Variants in TIMP2 observed in about 807,000 individuals in gnomAD.
The protein encoded by TIMP2 is TIMP metallopeptidase inhibitor 2.
Under a neutral mutation model 24.3 loss-of-function variants are expected in TIMP2, and 5 were observed. The ratio of observed to expected loss-of-function variants is 0.21; its 90% CI spans 0.11 to 0.43. The LOEUF is 0.43. TIMP2 is among the 20% of genes least tolerant of loss of function. The pLI, the probability that TIMP2 is intolerant of heterozygous loss-of-function variation, is 1.00. For synonymous variants in TIMP2, 130 were observed against 123.2 expected, an observed-to-expected ratio of 1.06 and a Z score of -0.37; for missense variants, 221 against 297.5, an observed-to-expected ratio of 0.74 and a Z score of 1.89.
chr17:78,875,027 T>C (rs1208599424), intron 1 of TIMP2, among the ~76,000 whole-genome samples: 2 of 152,190 alleles, frequency 1.3e-5, no homozygotes, highest in East Asian at 1.9e-4. Context: ...AGGCATGAGC[T>C]ACAGTGCCCA....
intron 2 of TIMP2, among the ~76,000 whole-genome samples, chr17:78,873,322 A>C (rs1188523749): frequency 5.2e-5 from 3 of 57,170 alleles, no homozygotes; most frequent in Middle Eastern, 9.3e-3. Flanking sequence ...TTTTTTTTTT[A>C]ATACAAGCTC....
chr17:78,864,466 C>G (rs954707939), intron 3 of TIMP2, among the ~76,000 whole-genome samples: 15 of 147,212 alleles, frequency 1.0e-4, no homozygotes, highest in Non-Finnish European at 1.5e-4. Flanking sequence ...TGATCTTGAA[C>G]TCCTAACCTG....
Position 78,920,363 on chromosome 17 carries a change from G to C in TIMP2, c.130+4596C>G, listed in dbSNP as rs75936920. The stretch of plus-strand genomic sequence containing the variant: ...GTACGTGGCTCTGCACCCCCAGAAG[G>C]GTGCAAATAGGGGAGGCCCGAGAGG... On this transcript the variant is annotated intron_variant, in intron 1 of 4. Transcript: ENST00000262768. The surrounding 1 kb of genome is among the most constrained non-coding windows in gnomAD (Gnocchi z 4.5). Among the ~76,000 whole-genome samples the C allele has an allele frequency of 1.5e-3, 236 of 152,284 alleles. No homozygotes were observed. The highest frequency in any genetic ancestry group is 5.3e-3 in the African/African-American group (220 of 41,552).
Position 78,907,871 on chromosome 17 carries a change from C to T in TIMP2, c.130+17088G>A, listed in dbSNP as rs554476234. ...CGTTCTGGCCAGGTGTGGTGGCTCACGTCTGTAGTCCCGGCACTCTGGGAG... is the reference window on the plus strand; with the variant it reads ...CGTTCTGGCCAGGTGTGGTGGCTCATGTCTGTAGTCCCGGCACTCTGGGAG... On this transcript the variant is annotated intron_variant, in intron 1 of 4. Coordinates refer to ENST00000262768, the MANE Select transcript of TIMP2 (RefSeq NM_003255.5). 6.4e-4 allele frequency among the ~76,000 whole-genome samples: 98 copies of T among 152,270 alleles called. 1 individual carries two copies. In the South Asian group the frequency reaches 0.013, roughly 20 times the overall value.
intron 1 of TIMP2, chr17:78,890,452 G>C: frequency 1.6e-6 from 1 of 617,296 alleles, no homozygotes; most frequent in South Asian, 2.4e-5. Flanking sequence ...TCCTGAGGCC[G>C]ACCTCGGCCT....
At chr17:78,885,070 C>T (rs914655214) in intron 1 of TIMP2, among the ~76,000 whole-genome samples, 1 of 152,196 alleles carries the variant, frequency 6.6e-6, no homozygotes, top group Non-Finnish European at 1.5e-5. Flanking sequence ...CAGCTGACCT[C>T]GGCAGAAAGC....
At chr17:78,872,308 T>C (rs561897206) in intron 2 of TIMP2, among the ~76,000 whole-genome samples, 2 of 152,086 alleles carry the variant, frequency 1.3e-5, no homozygotes, top group Non-Finnish European at 2.9e-5. Flanking sequence ...CCAGGAATTT[T>C]GGTCAAATAT....
chr17:78,865,811 CAG>C (rs1407076884), intron 3 of TIMP2, among the ~76,000 whole-genome samples: 1 of 152,018 alleles, frequency 6.6e-6, no homozygotes, highest in Admixed American at 6.6e-5. Context: ...CAAAAACAAA[CAG>C]AGAGCTTCAG....
At chr17:78,859,008 C>A (rs2145745197) in intron 3 of TIMP2, among the ~76,000 whole-genome samples, 1 of 152,286 alleles carries the variant, frequency 6.6e-6, no homozygotes, top group East Asian at 1.9e-4. Flanking sequence ...CATCTTCACA[C>A]ATAAAACGTC....
At chr17:78,861,947 G>A (rs755729972) in intron 3 of TIMP2, among the ~76,000 whole-genome samples, 45 of 152,262 alleles carry the variant, frequency 3.0e-4, no homozygotes, top group Non-Finnish European at 5.4e-4. Flanking sequence ...ACCGCCTCTG[G>A]TCTGATTAAG....
Position 78,925,034 on chromosome 17 carries a change from T to C in TIMP2, c.55A>G (p.Thr19Ala). The C allele has an allele frequency of 8.3e-7, 1 of 1,200,770 alleles. No homozygotes were observed. The highest frequency in any genetic ancestry group is 1.0e-6 in the Non-Finnish European group (1 of 959,638). 74.4% of individuals were successfully genotyped at this position (1,200,770 alleles called of 1,614,324 possible). The change falls in exon 1 of 5, where the codon ACG (threonine) becomes GCG (alanine). Residue 19 changes from threonine to alanine, a missense_variant. Transcript: ENST00000262768. ...RLALGLLLLA[T>A]LLRPADACSC... ...CAGGCGTCGGCCGGGCGAAGCAGCG[T>C]CGCCAGCAGCAGGAGGCCGAGCGCC...
At chr17:78,870,643 T>G (rs767647225) in intron 3 of TIMP2, among the ~76,000 whole-genome samples, 4 of 152,132 alleles carry the variant, frequency 2.6e-5, no homozygotes, top group Non-Finnish European at 5.9e-5. Context: ...CTCGCCTCCC[T>G]TTTAGGAACA....
intron 3 of TIMP2, among the ~76,000 whole-genome samples, chr17:78,864,401 C>T (rs928336766): frequency 1.3e-5 from 2 of 150,348 alleles, no homozygotes; most frequent in African/African-American, 4.9e-5. Flanking sequence ...TCCTTCCTTC[C>T]TTCCTTCCTC....
chr17:78,861,379 T>C (rs1445461462), intron 3 of TIMP2, among the ~76,000 whole-genome samples: 10 of 152,192 alleles, frequency 6.6e-5, no homozygotes, highest in Non-Finnish European at 1.5e-4. Context: ...AGAGTACGTA[T>C]AGAGAGTAAG....
intron 3 of TIMP2, among the ~76,000 whole-genome samples, chr17:78,865,136 A>G (rs1482406989): frequency 6.6e-6 from 1 of 152,214 alleles, no homozygotes; most frequent in Non-Finnish European, 1.5e-5. Flanking sequence ...TGCTTCAGCT[A>G]TGGAAGGAGG....
Position 78,870,992 on chromosome 17 carries a change from A to G in TIMP2, c.246T>C (p.Pro82=). The G allele has an allele frequency of 1.9e-6, 3 of 1,612,522 alleles. No individual in the cohort carries two copies. Among genetic ancestry groups the G allele is most frequent in the South Asian group, 1.1e-5 (1 of 90,638 alleles). The change falls in exon 3 of 5, where the codon CCT becomes CCC. Residue 82 remains proline, a synonymous_variant. Transcript: ENST00000262768. ...TGTAGATAAACTCTATATCCTTCTC[A>G]GGCCCTTTGAACATCTGGAAAGACA... ...EIKQIKMFKG[P]EKDIEFIYTA... is the part of the protein sequence containing the mutation.
intron 1 of TIMP2, among the ~76,000 whole-genome samples, chr17:78,911,911 A>T (rs2070212408): frequency 6.6e-6 from 1 of 151,762 alleles, no homozygotes; most frequent in Non-Finnish European, 1.5e-5. Flanking sequence ...AAAAAAAAAA[A>T]AATTGAACTG....
chr17:78,880,865 C>T (rs1480856161), intron 1 of TIMP2, among the ~76,000 whole-genome samples: 1 of 152,226 alleles, frequency 6.6e-6, no homozygotes, highest in Admixed American at 6.5e-5. Context: ...CTGCCGGGCT[C>T]CCAGGCCCAA....
chr17:78,867,648 T>A (rs11652491), intron 3 of TIMP2, among the ~76,000 whole-genome samples: 39,449 of 147,360 alleles, frequency 0.27, 5,995 homozygotes, highest in African/African-American at 0.4. Context: ...CAGACTGGAG[T>A]GCAGTGGCAC....
Sources: gnomAD v4.1 joint callset for allele counts (sites outside exome capture counted in the v4.1 genomes callset) on GRCh38, gnomAD v4.1.1 for gene constraint, Gnocchi (gnomAD v3.1) non-coding constraint, MANE v1.5 for transcripts, NCBI Gene and HGNC (gene_info 2026-07-23, HGNC 2026-07-21) for gene names.